The following BCAR1 variants were observed in gnomAD, a reference collection of about 807,000 sequenced individuals.
The protein encoded by BCAR1 is breast cancer anti-estrogen resistance protein 1.
A neutral mutation model predicts 67.6 loss-of-function variants in BCAR1; 30 were observed. That is an observed-to-expected ratio of 0.44 (90% CI 0.33 to 0.60). The LOEUF (loss-of-function observed/expected upper bound fraction) is 0.60, where lower values mean the gene tolerates loss of function less well. Ranked by LOEUF, BCAR1 falls within the 20% of genes least tolerant of loss-of-function variation. The pLI is 0.02. For synonymous variants in BCAR1, 626 were observed against 556.7 expected (o/e 1.12, Z -1.75); for missense variants, 1,313 against 1,222.3 (o/e 1.07, Z -1.11).
chr16:75,231,192 G>A (rs1240394832), intron 6 of BCAR1, among the ~76,000 whole-genome samples: 1 of 151,616 alleles, frequency 6.6e-6, no homozygotes. Context: ...TGCCTCCTGG[G>A]TTCAAGCGAT....
At chr16:75,263,992 G>C (rs945553725) in intron 1 of BCAR1, 1 of 1,189,800 alleles carries the variant, frequency 8.4e-7, no homozygotes, top group Non-Finnish European at 1.0e-6. Flanking sequence ...AGATGGCAAA[G>C]ACCTCTGCCC....
At chr16:75,237,965 C>G in intron 2 of BCAR1, 7 of 1,172,370 alleles carry the variant, frequency 6.0e-6, no homozygotes, top group Non-Finnish European at 7.9e-6. Flanking sequence ...ACCAAGGCCC[C>G]CTCCCTGCCG....
chr16:75,266,106 G>C (rs1342101696), intron 1 of BCAR1: 3 of 916,826 alleles, frequency 3.3e-6, no homozygotes, highest in Non-Finnish European at 3.9e-6. Context: ...CCAACGCGGC[G>C]GGGAGGCGCG....
chr16:75,232,709 C>G (rs9934251), intron 6 of BCAR1, among the ~76,000 whole-genome samples: 1 of 152,066 alleles, frequency 6.6e-6, no homozygotes, highest in Non-Finnish European at 1.5e-5. Context: ...TGCCACCGTT[C>G]TGAGATGTCA....
chr16:75,238,774 A>C, intron 2 of BCAR1: 1 of 985,452 alleles, frequency 1.0e-6, no homozygotes, highest in Non-Finnish European at 1.2e-6. Context: ...TCTCCTCCAG[A>C]ACTATTTTTA....
rs189027015 is a variant in BCAR1 at position 75,234,539 on chromosome 16, G to A, written c.2010+350C>T. Among the ~76,000 whole-genome samples, 100 of 152,316 alleles carry A rather than the reference G, an allele frequency of 6.6e-4. 1 individual carries two copies. The highest frequency in any genetic ancestry group is 1.1e-3 in the Non-Finnish European group (75 of 68,014). On this transcript the variant is annotated intron_variant, in intron 5 of 6. Transcript: ENST00000162330. Reference sequence around the variant, plus strand: ...GGCTAGCACCCAGGCCTCTGCTCCAGGGGCCAGCCTGGGAGGAGCAGTCCC... The same window carrying A: ...GGCTAGCACCCAGGCCTCTGCTCCAAGGGCCAGCCTGGGAGGAGCAGTCCC...
chr16:75,267,896 G>T, intron 1 of BCAR1: 1 of 1,592,934 alleles, frequency 6.3e-7, no homozygotes, highest in East Asian at 2.3e-5. Flanking sequence ...AGGGGACCCT[G>T]GCTAGAGCCC....
intron 1 of BCAR1, chr16:75,245,993 T>TTTTTTTTTG (rs2077510862): frequency 8.1e-6 from 1 of 123,304 alleles, no homozygotes; most frequent in Non-Finnish European, 1.6e-5. Context: ...TTTTTTTTTT[T>TTTTTTTTTG]GAGACTGGGT....
intron 1 of BCAR1, chr16:75,264,594 T>G (rs1235299936): frequency 3.1e-6 from 4 of 1,291,764 alleles, no homozygotes. Context: ...AAGCCCTCAT[T>G]TTTTCATCTG....
intron 1 of BCAR1, chr16:75,264,519 C>T: frequency 7.1e-7 from 1 of 1,413,078 alleles, no homozygotes; most frequent in Non-Finnish European, 9.2e-7. Context: ...TTCCTTCTTT[C>T]TGAAGACGAG....
At chr16:75,252,200 C>T, upstream of BCAR1, 1 of 1,536,472 alleles carries the variant, frequency 6.5e-7, no homozygotes, top group Non-Finnish European at 8.7e-7. Context: ...GGCTGGCGAG[C>T]TCTCGACCCA....
chr16:75,232,599 T>C (rs893319757), intron 6 of BCAR1, among the ~76,000 whole-genome samples: 2 of 152,178 alleles, frequency 1.3e-5, no homozygotes, highest in Non-Finnish European at 2.9e-5. Flanking sequence ...TTTTCTTGGG[T>C]GTTTTCTTTA....
intron 1 of BCAR1, chr16:75,250,689 C>T: frequency 1.0e-6 from 1 of 985,562 alleles, no homozygotes; most frequent in Non-Finnish European, 1.2e-6. Flanking sequence ...CGATCAGCCT[C>T]TCGGACCCTC....
At chr16:75,239,786 C>T (rs1003177802) in intron 2 of BCAR1, among the ~76,000 whole-genome samples, 8 of 152,190 alleles carry the variant, frequency 5.3e-5, no homozygotes, top group African/African-American at 1.9e-4. Context: ...CCTCCCTCCC[C>T]AGCTCCAGGC....
chr16:75,261,169 A>T (rs1472479795), intron 1 of BCAR1, among the ~76,000 whole-genome samples: 1 of 152,134 alleles, frequency 6.6e-6, no homozygotes, highest in Non-Finnish European at 1.5e-5. Flanking sequence ...TTTCCTGCAG[A>T]GAGGGAGACA....
At chr16:75,251,343 G>A in intron 1 of BCAR1, 128 bp downstream of exon 1, 1 of 1,304,682 alleles carries the variant, frequency 7.7e-7, no homozygotes, top group East Asian at 3.3e-5. Context: ...GAGATCCCAG[G>A]GCCGCGGACC....
At chr16:75,252,016 C>T, upstream of BCAR1, 1 of 658,950 alleles carries the variant, frequency 1.5e-6, no homozygotes, top group Non-Finnish European at 2.5e-6. Flanking sequence ...TCCCGCTAAC[C>T]AACCCCAGGG....
intron 5 of BCAR1, among the ~76,000 whole-genome samples, chr16:75,234,330 C>A (rs553017073): frequency 1.3e-5 from 2 of 152,172 alleles, no homozygotes; most frequent in African/African-American, 4.8e-5. Flanking sequence ...CAGGAAGAGA[C>A]TGGGCAGAGG....
At chr16:75,251,828 C>A, upstream of BCAR1, 2 of 312,518 alleles carry the variant, frequency 6.4e-6, no homozygotes, top group Non-Finnish European at 9.4e-6. Context: ...GGCCCCTGCC[C>A]GAGGCCAGGC....
Sources: gnomAD v4.1 joint callset for allele counts (sites outside exome capture counted in the v4.1 genomes callset) on GRCh38, gnomAD v4.1.1 for gene constraint, MANE v1.5 for transcripts, NCBI Gene and HGNC (gene_info 2026-07-23, HGNC 2026-07-21) for gene names.